MSRA: variants seen among roughly 807,000 people sequenced by gnomAD.
MSRA encodes methionine sulfoxide reductase A.
A neutral mutation model predicts 31.3 loss-of-function variants in MSRA; 54 were observed. The ratio of observed to expected loss-of-function variants is 1.73; its 90% CI spans 1.39 to 2.17. The LOEUF (loss-of-function observed/expected upper bound fraction) is 2.17, where lower values mean the gene tolerates loss of function less well. Among genes scored for constraint, MSRA ranks in the 30% most tolerant of loss-of-function variants. The pLI is 0.00. For missense variants in MSRA, 507 were observed against 300.9 expected (o/e 1.69, Z -5.07); for synonymous variants, 169 against 116.5 (o/e 1.45, Z -2.90).
chr8:10,404,195 A>G (rs1340346109), intron 5 of MSRA, among the ~76,000 whole-genome samples: 1 of 152,026 alleles, frequency 6.6e-6, no homozygotes, highest in East Asian at 1.9e-4. Flanking sequence ...TTTCCCCACA[A>G]TGCCGGGAAA....
At chr8:10,148,935 C>T (rs992112027) in intron 1 of MSRA, among the ~76,000 whole-genome samples, 5 of 146,782 alleles carry the variant, frequency 3.4e-5, no homozygotes, top group African/African-American at 7.5e-5. Flanking sequence ...GAGGATCTGG[C>T]GATTGTGTGT....
intron 2 of MSRA, among the ~76,000 whole-genome samples, chr8:10,231,937 G>T (rs527504281): frequency 5.6e-4 from 84 of 151,142 alleles, no homozygotes; most frequent in Non-Finnish European, 6.8e-4. Context: ...AAATAAAAGG[G>T]TAAACAGGAA....
intron 2 of MSRA, among the ~76,000 whole-genome samples, chr8:10,229,559 G>A (rs1055832123): frequency 3.9e-5 from 6 of 151,980 alleles, no homozygotes; most frequent in African/African-American, 1.5e-4. Flanking sequence ...TTTAGAGGGT[G>A]TGCCTGCGCA....
intron 1 of MSRA, among the ~76,000 whole-genome samples, chr8:10,088,575 A>G (rs1267977077): frequency 1.3e-5 from 2 of 152,116 alleles, no homozygotes; most frequent in East Asian, 1.9e-4. Context: ...TCTCTACTAA[A>G]CATACAAAAA....
intron 1 of MSRA, among the ~76,000 whole-genome samples, chr8:10,059,937 G>A (rs561471599): frequency 6.6e-6 from 1 of 152,318 alleles, no homozygotes; most frequent in East Asian, 1.9e-4. Context: ...CAGACTGGCA[G>A]AAATCCAGAA....
At chr8:10,405,526 C>T (rs1042733119) in intron 5 of MSRA, among the ~76,000 whole-genome samples, 2 of 152,070 alleles carry the variant, frequency 1.3e-5, no homozygotes, top group Admixed American at 6.5e-5. Context: ...CTTCTTTTTA[C>T]CCTGACACCT....
chr8:10,379,736 G>A (rs776602694), intron 5 of MSRA, among the ~76,000 whole-genome samples: 1 of 152,332 alleles, frequency 6.6e-6, no homozygotes, highest in South Asian at 2.1e-4. Flanking sequence ...CTAAGTATGG[G>A]ATGGCCAGGC....
intron 4 of MSRA, among the ~76,000 whole-genome samples, chr8:10,315,039 C>T (rs530169941): frequency 6.6e-6 from 1 of 152,240 alleles, no homozygotes; most frequent in South Asian, 2.1e-4. Flanking sequence ...AGCAAAGGCA[C>T]ATCTTATTAC....
chr8:10,131,975 C>A (rs1327878289), intron 1 of MSRA, among the ~76,000 whole-genome samples: 3 of 152,056 alleles, frequency 2.0e-5, no homozygotes, highest in African/African-American at 7.2e-5. Context: ...GTTTATAAGC[C>A]TTTTATATGA....
At chr8:10,156,946 A>G (rs1804205952) in intron 1 of MSRA, among the ~76,000 whole-genome samples, 1 of 151,122 alleles carries the variant, frequency 6.6e-6, no homozygotes, top group South Asian at 2.1e-4. Flanking sequence ...ATGAAGACCT[A>G]CTGTGTGCTT....
chr8:10,404,881 AGT>A (rs1807704769), intron 5 of MSRA, among the ~76,000 whole-genome samples: 2 of 152,036 alleles, frequency 1.3e-5, no homozygotes, highest in African/African-American at 4.8e-5. Context: ...TCTCCTTGCT[AGT>A]GTGTGTGGTA....
intron 5 of MSRA, among the ~76,000 whole-genome samples, chr8:10,400,284 T>C (rs1807372026): frequency 6.8e-6 from 1 of 147,242 alleles, no homozygotes; most frequent in Non-Finnish European, 1.5e-5. Flanking sequence ...GTGGAGAGGG[T>C]GGAGGGGAGG....
At chr8:10,348,855 C>T (rs1803954448) in intron 5 of MSRA, among the ~76,000 whole-genome samples, 1 of 152,152 alleles carries the variant, frequency 6.6e-6, no homozygotes, top group Admixed American at 6.5e-5. Flanking sequence ...GGACAAGGCA[C>T]ATGAGTGTGC....
chr8:10,112,265 A>C (rs1369798653), intron 1 of MSRA, among the ~76,000 whole-genome samples: 1 of 152,218 alleles, frequency 6.6e-6, no homozygotes, highest in Admixed American at 6.5e-5. Flanking sequence ...TTCATTAGAA[A>C]AGAGACTGAC....
intron 4 of MSRA, among the ~76,000 whole-genome samples, chr8:10,311,355 C>G (rs1220739972): frequency 1.3e-5 from 2 of 152,302 alleles, no homozygotes; most frequent in East Asian, 1.9e-4. Flanking sequence ...TTATTCTGAG[C>G]AAACTTGTTA....
At chr8:10,394,029 G>A (rs1289818761) in intron 5 of MSRA, among the ~76,000 whole-genome samples, 1 of 152,212 alleles carries the variant, frequency 6.6e-6, no homozygotes, top group Admixed American at 6.5e-5. Context: ...GAGACCCTAA[G>A]ACAACATGAC....
At chr8:10,067,185 C>T (rs1459652314) in intron 1 of MSRA, among the ~76,000 whole-genome samples, 3 of 152,262 alleles carry the variant, frequency 2.0e-5, no homozygotes, top group Non-Finnish European at 4.4e-5. Flanking sequence ...TCTCCCCCTT[C>T]CCAAGAACCC....
At chr8:10,334,666 G>T (rs975160690) in intron 5 of MSRA, among the ~76,000 whole-genome samples, 1 of 152,180 alleles carries the variant, frequency 6.6e-6, no homozygotes, top group Admixed American at 6.5e-5. Context: ...GAGCTTTCAT[G>T]TTTGCCACGA....
At chr8:10,070,635 A>G (rs1797686816) in intron 1 of MSRA, among the ~76,000 whole-genome samples, 2 of 152,168 alleles carry the variant, frequency 1.3e-5, no homozygotes, top group East Asian at 1.9e-4. Flanking sequence ...CTGCATTTTT[A>G]TAGCCACATT....
Sources: gnomAD v4.1 joint callset for allele counts (sites outside exome capture counted in the v4.1 genomes callset) on GRCh38, gnomAD v4.1.1 for gene constraint, MANE v1.5 for transcripts, NCBI Gene and HGNC (gene_info 2026-07-23, HGNC 2026-07-21) for gene names.